The following LUZP2 variants were observed in gnomAD, a reference collection of about 807,000 sequenced individuals.
LUZP2 encodes leucine zipper protein 2.
A neutral mutation model predicts 51.6 loss-of-function variants in LUZP2; 52 were observed. That is an observed-to-expected ratio of 1.01 (90% CI 0.81 to 1.27). The LOEUF (loss-of-function observed/expected upper bound fraction) is 1.27. Ranked by LOEUF, LUZP2 falls within the 50% of genes most tolerant of loss-of-function variation. The pLI, the probability that LUZP2 is intolerant of heterozygous loss-of-function variation, is 0.00. For missense variants in LUZP2, 436 were observed against 395.4 expected (o/e 1.10, Z -0.87); for synonymous variants, 154 against 137.3 (o/e 1.12, Z -0.85).
intron 7 of LUZP2, among the ~76,000 whole-genome samples, chr11:24,960,319 G>A (rs909606389): frequency 2.0e-5 from 3 of 152,270 alleles, no homozygotes; most frequent in South Asian, 2.1e-4. Flanking sequence ...AGTTTCAGAA[G>A]GAATGGTACC....
intron 5 of LUZP2, among the ~76,000 whole-genome samples, chr11:24,874,940 C>T (rs538004654): frequency 4.3e-4 from 65 of 152,138 alleles, no homozygotes; most frequent in African/African-American, 1.4e-3. Context: ...ATTTTACTTT[C>T]GTCTGAGCAA....
chr11:24,500,755 C>A (rs1306265565), intron 1 of LUZP2, among the ~76,000 whole-genome samples: 1 of 152,136 alleles, frequency 6.6e-6, no homozygotes, highest in Non-Finnish European at 1.5e-5. Context: ...TTCCATGAAG[C>A]AAGAACTTTG....
chr11:24,855,599 G>A (rs189493856), intron 5 of LUZP2, among the ~76,000 whole-genome samples: 25 of 152,256 alleles, frequency 1.6e-4, no homozygotes, highest in Middle Eastern at 3.4e-3. Context: ...ATTCTTCACA[G>A]AATTAGAAAA....
chr11:24,832,111 A>G (rs959209099), intron 5 of LUZP2: 1 of 152,276 alleles, frequency 6.6e-6, no homozygotes, highest in Non-Finnish European at 1.5e-5. Context: ...AAAATTGGAT[A>G]TAATAAAGCA....
intron 9 of LUZP2, among the ~76,000 whole-genome samples, chr11:25,011,767 T>C (rs566832509): frequency 6.6e-6 from 1 of 152,180 alleles, no homozygotes; most frequent in South Asian, 2.1e-4. Flanking sequence ...CAAACATAGA[T>C]TGTGTAATGA....
At chr11:24,606,450 CCCCA>C (rs1853921087) in intron 1 of LUZP2, among the ~76,000 whole-genome samples, 2 of 151,978 alleles carry the variant, frequency 1.3e-5, no homozygotes, top group African/African-American at 4.8e-5. Flanking sequence ...ATGGGTTTAT[CCCCA>C]TTGTAAGTTG....
At chr11:24,540,870 CA>C (rs201141996) in intron 1 of LUZP2, among the ~76,000 whole-genome samples, 6 of 150,612 alleles carry the variant, frequency 4.0e-5, no homozygotes, top group African/African-American at 7.3e-5. Context: ...TAACACAAAA[CA>C]AAAAAAAATT....
intron 1 of LUZP2, among the ~76,000 whole-genome samples, chr11:24,667,092 T>A (rs1027029214): frequency 2.6e-5 from 4 of 152,136 alleles, no homozygotes; most frequent in Non-Finnish European, 5.9e-5. Flanking sequence ...TATTAAGCAT[T>A]ACTAATATTG....
At chr11:25,071,959 T>C (rs1370992520) in intron 10 of LUZP2, among the ~76,000 whole-genome samples, 1 of 152,152 alleles carries the variant, frequency 6.6e-6, no homozygotes, top group East Asian at 1.9e-4. Context: ...CAAATGATTC[T>C]TGTGCATCTA....
At chr11:24,924,265 A>C (rs1476507783) in intron 7 of LUZP2, among the ~76,000 whole-genome samples, 4 of 151,882 alleles carry the variant, frequency 2.6e-5, no homozygotes, top group Non-Finnish European at 5.9e-5. Flanking sequence ...TTTAGTAGAG[A>C]TGGGGTTTCA....
chr11:24,604,346 G>A (rs72880625), intron 1 of LUZP2, among the ~76,000 whole-genome samples: 41,076 of 151,570 alleles, frequency 0.27, 5,760 homozygotes, highest in Admixed American at 0.33. Context: ...TATGATCCAA[G>A]TTGTGATATG....
At chr11:25,026,536 TTA>T (rs869100435) in intron 9 of LUZP2, among the ~76,000 whole-genome samples, 9 of 124,042 alleles carry the variant, frequency 7.3e-5, no homozygotes, top group East Asian at 4.9e-4. Context: ...TAAAATGTGA[TTA>T]TTTTTTTCTA....
intron 5 of LUZP2, among the ~76,000 whole-genome samples, chr11:24,769,879 G>A (rs145940690): frequency 2.1e-3 from 315 of 151,784 alleles, no homozygotes; most frequent in Middle Eastern, 3.4e-3. Context: ...TGCAACCTCC[G>A]CCTCCCGGGT....
intron 7 of LUZP2, among the ~76,000 whole-genome samples, chr11:24,927,981 T>G (rs2133829190): frequency 6.6e-6 from 1 of 152,178 alleles, no homozygotes; most frequent in East Asian, 1.9e-4. Flanking sequence ...TCCTATGTAT[T>G]TTATTTTTCT....
At chr11:24,561,400 G>A (rs548818493) in intron 1 of LUZP2, among the ~76,000 whole-genome samples, 1 of 152,122 alleles carries the variant, frequency 6.6e-6, no homozygotes, top group Admixed American at 6.6e-5. Context: ...ATTGGTATTA[G>A]AATCTCATTT....
chr11:24,964,343 G>C (rs2133885824), intron 7 of LUZP2, among the ~76,000 whole-genome samples: 1 of 152,238 alleles, frequency 6.6e-6, no homozygotes, highest in African/African-American at 2.4e-5. Flanking sequence ...TAAAAGTCAA[G>C]TTAAAAGCAT....
At chr11:25,058,370 T>C (rs993914119) in intron 10 of LUZP2, among the ~76,000 whole-genome samples, 26 of 152,316 alleles carry the variant, frequency 1.7e-4, no homozygotes, top group African/African-American at 6.0e-4. Context: ...AATCTATTAA[T>C]ATGGTAAATG....
At chr11:24,888,938 C>A (rs1852759663) in intron 5 of LUZP2, among the ~76,000 whole-genome samples, 1 of 152,130 alleles carries the variant, frequency 6.6e-6, no homozygotes, top group Admixed American at 6.5e-5. Flanking sequence ...TTGTAAGTTT[C>A]CTGAGGCCTC....
At chr11:24,741,976 T>G (rs1259398088) in intron 4 of LUZP2, among the ~76,000 whole-genome samples, 48 of 75,262 alleles carry the variant, frequency 6.4e-4, no homozygotes, top group South Asian at 4.4e-3. Flanking sequence ...ATATATACAT[T>G]TATATATTAT....
Sources: allele counts gnomAD v4.1 joint callset (sites outside exome capture counted in the v4.1 genomes callset), GRCh38; gene constraint gnomAD v4.1.1; transcripts MANE v1.5; gene names NCBI Gene and HGNC (gene_info 2026-07-23, HGNC 2026-07-21).